Variants in HTR1F observed in about 807,000 individuals in gnomAD.
HTR1F encodes the protein 5-hydroxytryptamine (serotonin) receptor 1F, G protein-coupled.
HTR1F carries 17 observed loss-of-function variants against 24.0 expected under a neutral mutation model. The observed-to-expected ratio is 0.71, with a 90% CI of 0.48 to 1.06. The LOEUF is 1.06. HTR1F is among the 50% of genes least tolerant of loss of function. The pLI, the probability that HTR1F is intolerant of heterozygous loss-of-function variation, is 0.00. For missense variants in HTR1F, 391 were observed against 427.8 expected (o/e 0.91, Z 0.76); for synonymous variants, 186 against 156.8 (o/e 1.19, Z -1.39).
At chr3:87,850,220 A>C (rs745967253) in intron 2 of HTR1F, among the ~76,000 whole-genome samples, 1 of 152,016 alleles carries the variant, frequency 6.6e-6, no homozygotes, top group Non-Finnish European at 1.5e-5. Flanking sequence ...AATGTCCAAC[A>C]ATGATAGACT....
intron 2 of HTR1F, among the ~76,000 whole-genome samples, chr3:87,942,802 C>A (rs923264309): frequency 6.6e-6 from 1 of 151,432 alleles, no homozygotes; most frequent in Admixed American, 6.6e-5. Context: ...TTATAAAAAA[C>A]CCAGGTTACC....
At chr3:87,989,863 G>A (rs1207532401) in intron 2 of HTR1F, among the ~76,000 whole-genome samples, 1 of 152,284 alleles carries the variant, frequency 6.6e-6, no homozygotes, top group African/African-American at 2.4e-5. Context: ...CAGGGAGAAG[G>A]CCTGGAAATT....
chr3:87,863,170 G>A (rs955614669), intron 2 of HTR1F, among the ~76,000 whole-genome samples: 7 of 152,104 alleles, frequency 4.6e-5, no homozygotes, highest in African/African-American at 1.7e-4. Flanking sequence ...ATGACCTAAT[G>A]ATCTTTCTGA....
chr3:87,947,651 T>C (rs530633793), intron 2 of HTR1F, among the ~76,000 whole-genome samples: 5 of 152,318 alleles, frequency 3.3e-5, no homozygotes, highest in South Asian at 2.1e-4. Context: ...CACTTCCTAG[T>C]TGTAATCCAT....
intron 1 of HTR1F, among the ~76,000 whole-genome samples, chr3:87,804,000 A>G (rs962729602): frequency 1.3e-5 from 2 of 152,108 alleles, no homozygotes; most frequent in Non-Finnish European, 2.9e-5. Context: ...ATTCAGTCCT[A>G]TCATTTTCCA....
intron 2 of HTR1F, among the ~76,000 whole-genome samples, chr3:87,932,296 T>G (rs1704296361): frequency 6.6e-6 from 1 of 152,180 alleles, no homozygotes; most frequent in Non-Finnish European, 1.5e-5. Flanking sequence ...ATTTATTAAA[T>G]AGGGAATCCT....
intron 2 of HTR1F, among the ~76,000 whole-genome samples, chr3:87,862,214 G>A (rs1312675745): frequency 6.6e-6 from 1 of 152,002 alleles, no homozygotes; most frequent in Non-Finnish European, 1.5e-5. Context: ...CCTGAAAATG[G>A]CTTTAATTTA....
intron 2 of HTR1F, among the ~76,000 whole-genome samples, chr3:87,971,116 C>A (rs1356300932): frequency 6.6e-6 from 1 of 152,230 alleles, no homozygotes; most frequent in East Asian, 1.9e-4. Context: ...TTAACACATA[C>A]ATGCTCACAT....
intron 2 of HTR1F, among the ~76,000 whole-genome samples, chr3:87,953,671 A>G (rs1704883391): frequency 6.6e-6 from 1 of 151,874 alleles, no homozygotes; most frequent in South Asian, 2.1e-4. Flanking sequence ...TAAGCTAGCA[A>G]TCTCACTACT....
chr3:87,848,739 G>T (rs1216692186), intron 2 of HTR1F, among the ~76,000 whole-genome samples: 4 of 151,688 alleles, frequency 2.6e-5, no homozygotes, highest in Non-Finnish European at 5.9e-5. Flanking sequence ...TCCTTAAGCT[G>T]ATAAGCAACT....
intron 2 of HTR1F, among the ~76,000 whole-genome samples, chr3:87,960,332 T>C (rs1705034310): frequency 6.6e-6 from 1 of 151,962 alleles, no homozygotes; most frequent in East Asian, 1.9e-4. Flanking sequence ...ATTGTAAGTA[T>C]CAGAAAATAG....
At chr3:87,981,810 C>T (rs1705549789) in intron 2 of HTR1F, among the ~76,000 whole-genome samples, 1 of 152,104 alleles carries the variant, frequency 6.6e-6, no homozygotes, top group South Asian at 2.1e-4. Context: ...GTCATTGTTG[C>T]AATTTAATTA....
At chr3:87,982,019 C>A (rs1185810233) in intron 2 of HTR1F, among the ~76,000 whole-genome samples, 1 of 152,066 alleles carries the variant, frequency 6.6e-6, no homozygotes, top group Admixed American at 6.5e-5. Context: ...GCAACTCCAC[C>A]TCAAGCAGTT....
At chr3:87,839,097 T>C (rs1000024090) in intron 2 of HTR1F, among the ~76,000 whole-genome samples, 4 of 151,864 alleles carry the variant, frequency 2.6e-5, no homozygotes, top group African/African-American at 7.2e-5. Context: ...TGTGCTTTGA[T>C]TGCTTGTGCA....
At chr3:87,927,016 C>T (rs1704141333) in intron 2 of HTR1F, among the ~76,000 whole-genome samples, 1 of 147,442 alleles carries the variant, frequency 6.8e-6, no homozygotes, top group Non-Finnish European at 1.5e-5. Flanking sequence ...GCTGTCACTG[C>T]TTTGATGAAA....
chr3:87,905,152 A>T (rs1703633778), intron 2 of HTR1F, among the ~76,000 whole-genome samples: 1 of 151,888 alleles, frequency 6.6e-6, no homozygotes, highest in Non-Finnish European at 1.5e-5. Flanking sequence ...TGAAAAAAAA[A>T]ATTAAAAGTT....
chr3:87,960,481 G>A (rs1403221371), intron 2 of HTR1F, among the ~76,000 whole-genome samples: 1 of 151,898 alleles, frequency 6.6e-6, no homozygotes, highest in Non-Finnish European at 1.5e-5. Flanking sequence ...TTTGTGAGTA[G>A]GGAAAGAATA....
Position 87,955,873 on chromosome 3 carries a change from AAGTG to A in HTR1F, c.-42-34831_-42-34828del, listed in dbSNP as rs1339129071. On this transcript the variant is annotated intron_variant, in intron 2 of 2. Transcript: ENST00000319595. ...CTGTTTAAATTTTGTGTCTATTTTT[AAGTG>A]AGTTTTTTTAAATGAGTTATTAGTC... 4.6e-5 allele frequency among the ~76,000 whole-genome samples: 7 copies of A among 151,520 alleles called. No homozygotes were observed. The East Asian group carries it at 1.4e-3, about 29-fold the overall frequency.
chr3:87,858,709 T>C (rs1705253530), intron 2 of HTR1F, among the ~76,000 whole-genome samples: 2 of 152,130 alleles, frequency 1.3e-5, no homozygotes, highest in Non-Finnish European at 2.9e-5. Flanking sequence ...CTTCTGAATA[T>C]AGCCTCCTTT....
Sources: allele counts gnomAD v4.1 joint callset (sites outside exome capture counted in the v4.1 genomes callset), GRCh38; gene constraint gnomAD v4.1.1; transcripts MANE v1.5; gene names NCBI Gene and HGNC (gene_info 2026-07-23, HGNC 2026-07-21).